The following PCCA variants were observed in gnomAD, a reference collection of about 807,000 sequenced individuals.
PCCA encodes propionyl-CoA carboxylase alpha chain, mitochondrial.
Under a neutral mutation model 101.3 loss-of-function variants are expected in PCCA, and 74 were observed. The observed-to-expected ratio is 0.73, with a 90% confidence interval of 0.61 to 0.89. PCCA has a LOEUF of 0.89. Ranked by LOEUF, PCCA falls within the 40% of genes least tolerant of loss-of-function variation. The pLI is 0.00. For synonymous variants in PCCA, 294 were observed against 313.6 expected (o/e 0.94, Z 0.66); for missense variants, 891 against 907.0 (o/e 0.98, Z 0.23).
At chr13:100,458,634 C>CA (rs1290954375) in intron 21 of PCCA, among the ~76,000 whole-genome samples, 3 of 151,636 alleles carry the variant, frequency 2.0e-5, no homozygotes, top group Admixed American at 2.0e-4. Context: ...GACCCCACCT[C>CA]AAAAAAATCA....
intron 20 of PCCA, among the ~76,000 whole-genome samples, chr13:100,430,809 G>T (rs1233637617): frequency 2.0e-5 from 3 of 152,122 alleles, no homozygotes; most frequent in African/African-American, 7.2e-5. Flanking sequence ...TCTCTGTGTG[G>T]CTGTACCAGC....
At chr13:100,458,440 T>TACACACACACACAC (rs777836240) in intron 21 of PCCA, among the ~76,000 whole-genome samples, 1 of 118,766 alleles carries the variant, frequency 8.4e-6, no homozygotes, top group African/African-American at 3.5e-5. Flanking sequence ...CACACACACA[T>TACACACACACACAC]ACACACACAC....
At chr13:100,341,874 T>C (rs1248757276) in intron 18 of PCCA, among the ~76,000 whole-genome samples, 1 of 150,428 alleles carries the variant, frequency 6.6e-6, no homozygotes, top group Non-Finnish European at 1.5e-5. Flanking sequence ...TGAAAAGGGC[T>C]TAAAAAGATG....
At chr13:100,254,736 T>C (rs1389309128) in intron 8 of PCCA, among the ~76,000 whole-genome samples, 1 of 152,040 alleles carries the variant, frequency 6.6e-6, no homozygotes, top group Non-Finnish European at 1.5e-5. Context: ...AGAAGTTGAG[T>C]AGAAAACCTT....
At chr13:100,371,632 AC>A (rs1320264626) in intron 19 of PCCA, among the ~76,000 whole-genome samples, 2 of 152,232 alleles carry the variant, frequency 1.3e-5, no homozygotes, top group African/African-American at 4.8e-5. Flanking sequence ...ATCTACAGAT[AC>A]AACGCCATCC....
chr13:100,302,910 C>T lies in PCCA; in HGVS notation c.1210-14C>T. 6.6e-7 allele frequency: 1 copy of T among 1,511,672 alleles called. No individual in the cohort carries two copies. Among genetic ancestry groups the T allele is most frequent in the South Asian group, 1.1e-5 (1 of 89,026 alleles). 93.6% of individuals were successfully genotyped at this position (1,511,672 alleles called of 1,614,324 possible). Reference sequence around the variant, plus strand: ...TATTTCAAAGACTGTGCTTCCTTTCCTTTGAACTTTCAGGACCCCTACAAG... The same window carrying T: ...TATTTCAAAGACTGTGCTTCCTTTCTTTTGAACTTTCAGGACCCCTACAAG... On this transcript the variant is annotated splice_polypyrimidine_tract_variant and intron_variant, in intron 13 of 23. Coordinates refer to ENST00000376285, the MANE Select transcript of PCCA (RefSeq NM_000282.4).
At chr13:100,423,409 T>C (rs755408160) in intron 19 of PCCA, among the ~76,000 whole-genome samples, 1 of 152,214 alleles carries the variant, frequency 6.6e-6, no homozygotes. Context: ...GATGCTAGCA[T>C]CATTAGAATC....
chr13:100,127,644 G>A (rs1002222379), intron 4 of PCCA, among the ~76,000 whole-genome samples: 1 of 152,162 alleles, frequency 6.6e-6, no homozygotes, highest in Admixed American at 6.5e-5. Flanking sequence ...CGTAATCCCA[G>A]CACTTTGGGA....
chr13:100,322,030 C>G (rs534310334), intron 16 of PCCA, among the ~76,000 whole-genome samples: 1 of 152,236 alleles, frequency 6.6e-6, no homozygotes, highest in Non-Finnish European at 1.5e-5. Context: ...ACAGGGTAAC[C>G]TGCTGTAACA....
chr13:100,324,832 T>C (rs1362398236), intron 16 of PCCA, among the ~76,000 whole-genome samples: 3 of 152,200 alleles, frequency 2.0e-5, no homozygotes, highest in Admixed American at 2.0e-4. Flanking sequence ...ATCAGTTCTC[T>C]CTCCAGTAAA....
intron 6 of PCCA, among the ~76,000 whole-genome samples, chr13:100,188,780 T>C (rs1566666479): frequency 3.3e-5 from 5 of 152,194 alleles, no homozygotes; most frequent in South Asian, 4.1e-4. Flanking sequence ...ATCTATTGTA[T>C]TGTGGTTTTG....
chr13:100,272,277 TC>T (rs2063355684), intron 11 of PCCA, among the ~76,000 whole-genome samples: 1 of 152,196 alleles, frequency 6.6e-6, no homozygotes, highest in Non-Finnish European at 1.5e-5. Context: ...CTGAATAATT[TC>T]CCCTAGGGGA....
intron 11 of PCCA, 52 bp downstream of exon 11, chr13:100,268,835 C>T (rs2063116710): frequency 1.0e-6 from 1 of 966,970 alleles, no homozygotes; most frequent in African/African-American, 1.9e-5. Flanking sequence ...GCATTTCATT[C>T]ATTCATTCAT....
rs201597816 is a variant in PCCA at position 100,273,351 on chromosome 13, C to T, written c.1065+5C>T. 1,696 of 1,608,656 alleles carry T rather than the reference C, an allele frequency of 1.1e-3. 2 individuals carry two copies. Among genetic ancestry groups the T allele is most frequent in the Middle Eastern group, 2.0e-3 (12 of 6,036 alleles). On this transcript the variant is annotated splice_donor_5th_base_variant and intron_variant, in intron 12 of 23. Transcript: ENST00000376285. The stretch of plus-strand genomic sequence containing the variant: ...GAAATGAATACAAGACTCCAGGTAA[C>T]AACAACTGTTATTTATTCCTCTCCA...
intron 23 of PCCA, among the ~76,000 whole-genome samples, chr13:100,528,738 G>A (rs2088092262): frequency 6.6e-6 from 1 of 152,224 alleles, no homozygotes; most frequent in Non-Finnish European, 1.5e-5. Flanking sequence ...ATGATTTGTG[G>A]CGTTTTTAAG....
chr13:100,092,242 CT>C (rs2046345749), intron 1 of PCCA, among the ~76,000 whole-genome samples: 1 of 151,934 alleles, frequency 6.6e-6, no homozygotes, highest in South Asian at 2.1e-4. Context: ...ATCTTTTATC[CT>C]TATAACAACT....
intron 4 of PCCA, among the ~76,000 whole-genome samples, chr13:100,152,117 A>G (rs768942376): frequency 1.4e-4 from 22 of 152,202 alleles, no homozygotes; most frequent in Non-Finnish European, 3.1e-4. Flanking sequence ...CTAAGGCAGT[A>G]GAGAATTCAA....
intron 2 of PCCA, among the ~76,000 whole-genome samples, chr13:100,104,102 G>A (rs2047535876): frequency 1.3e-5 from 2 of 152,176 alleles, no homozygotes; most frequent in African/African-American, 4.8e-5. Flanking sequence ...AGGCATCGAA[G>A]TGGGCGGGAG....
At chr13:100,525,761 C>G (rs1054052231) in intron 22 of PCCA, among the ~76,000 whole-genome samples, 1 of 152,016 alleles carries the variant, frequency 6.6e-6, no homozygotes, top group Non-Finnish European at 1.5e-5. Context: ...ATGTACTTGG[C>G]GGGGGGACGG....
Sources: allele counts gnomAD v4.1 joint callset (sites outside exome capture counted in the v4.1 genomes callset), GRCh38; gene constraint gnomAD v4.1.1; transcripts MANE v1.5; gene names NCBI Gene and HGNC (gene_info 2026-07-23, HGNC 2026-07-21).